The following SEC23IP variants were observed in gnomAD, a reference collection of about 807,000 sequenced individuals.
SEC23IP encodes the protein SEC23 interacting protein, also known as SEC23-interacting protein.
SEC23IP carries 70 observed loss-of-function variants against 113.4 expected under a neutral mutation model. The observed-to-expected ratio is 0.62, with a 90% confidence interval of 0.51 to 0.75. The LOEUF (loss-of-function observed/expected upper bound fraction) is 0.75. SEC23IP is among the 30% of genes least tolerant of loss of function. SEC23IP has a pLI of 0.00. For synonymous variants in SEC23IP, 398 were observed against 421.0 expected (o/e 0.95, Z 0.67); for missense variants, 1,160 against 1,204.9 (o/e 0.96, Z 0.55).
chr10:119,902,684 A>G (rs1854535913), intron 2 of SEC23IP, 115 bp from the exon 3 acceptor site: 2 of 830,694 alleles, frequency 2.4e-6, no homozygotes, highest in African/African-American at 1.7e-5. Flanking sequence ...TTATTACACT[A>G]AGTAATTGTC....
At chr10:119,905,313 C>G (rs1015943766) in intron 4 of SEC23IP, among the ~76,000 whole-genome samples, 4 of 151,868 alleles carry the variant, frequency 2.6e-5, no homozygotes, top group Non-Finnish European at 5.9e-5. Flanking sequence ...CTATCATGTC[C>G]CCAGATTAAA....
chr10:119,942,235 G>A lies in SEC23IP; in HGVS notation c.*1670G>A, dbSNP rs1276091616. The A allele has an allele frequency of 2.0e-5, 3 of 152,152 alleles. No individual in the cohort carries two copies. The highest frequency in any genetic ancestry group is 2.9e-5 in the Non-Finnish European group (2 of 68,042). The allele number at this position is 152,152 out of a possible 1,614,324, so 9.4% of individuals were successfully genotyped here. A position where few individuals can be genotyped will look rare whatever the true frequency, so the allele number is the denominator to read the frequency against. On this transcript the variant is annotated 3_prime_UTR_variant, in exon 19 of 19. Transcript: ENST00000369075. Reference sequence around the variant, plus strand: ...TTCGTAGAAGAAGCATGTGGCAGCTGAGTGGCAGCAGTCTTGCCCTTTCAT... The same window carrying A: ...TTCGTAGAAGAAGCATGTGGCAGCTAAGTGGCAGCAGTCTTGCCCTTTCAT...
Position 119,926,195 on chromosome 10 carries a change from A to G in SEC23IP, c.2281A>G (p.Asn761Asp). 1.2e-6 allele frequency: 2 copies of G among 1,614,098 alleles called. No homozygotes were observed. The highest frequency in any genetic ancestry group is 1.7e-6 in the Non-Finnish European group (2 of 1,179,984). The stretch of plus-strand genomic sequence containing the variant: ...TGCTTGCGTGTCTTCTGTGTGTGTG[A>G]ATTATGAATCTTTTGAAGTTGGCGC... ...VGACVSSVCV[N>D]YESFEVGAGQ... The change falls in exon 13 of 19, where the codon AAT becomes GAT. Residue 761 changes from asparagine (N) to aspartate (D), a missense_variant. Coordinates refer to ENST00000369075, the MANE Select transcript of SEC23IP (RefSeq NM_007190.4).
chr10:119,923,293 G>C (rs1331026390), intron 12 of SEC23IP, among the ~76,000 whole-genome samples: 1 of 151,746 alleles, frequency 6.6e-6, no homozygotes, highest in Non-Finnish European at 1.5e-5. Context: ...AGTTGCCATT[G>C]ATTGCTTTAC....
intron 1 of SEC23IP, among the ~76,000 whole-genome samples, chr10:119,897,795 C>G (rs1854325702): frequency 1.3e-5 from 2 of 151,734 alleles, no homozygotes; most frequent in South Asian, 4.1e-4. Context: ...GTCAGGAGTT[C>G]AAGACCAGCC....
Position 119,904,128 on chromosome 10 carries a change from C to T in SEC23IP, c.952C>T (p.Arg318Cys), listed in dbSNP as rs751870295. Reference sequence around the variant, plus strand: ...CGTGGTTCTTGGCACGGATGGAGGGCGCTACGATGTTTACCTCTATGACCG... The same window carrying T: ...CGTGGTTCTTGGCACGGATGGAGGGTGCTACGATGTTTACCTCTATGACCG... The part of the protein sequence containing the change: ...ESVVLGTDGG[R>C]YDVYLYDRIR... Residue 318 changes from arginine (R) to cysteine (C), a missense_variant, in exon 4 of 19, where the codon CGC becomes TGC. Transcript: ENST00000369075. 13 of 1,614,042 alleles carry T rather than the reference C, an allele frequency of 8.1e-6. No individual in the cohort carries two copies. Among genetic ancestry groups the T allele is most frequent in the East Asian group, 2.2e-5 (1 of 44,898 alleles).
chr10:119,932,869 A>G (rs985421249), intron 16 of SEC23IP, 136 bp from the exon 17 acceptor site: 7 of 684,016 alleles, frequency 1.0e-5, no homozygotes, highest in African/African-American at 1.8e-5. Context: ...CTTTGGAGGA[A>G]CGGGGAGTGA....
intron 6 of SEC23IP, among the ~76,000 whole-genome samples, chr10:119,914,084 C>T (rs375851619): frequency 6.6e-5 from 10 of 152,056 alleles, no homozygotes; most frequent in Middle Eastern, 3.2e-3. Context: ...TGCTTGAACC[C>T]GGGAGGCGGA....
intron 2 of SEC23IP, 83 bp downstream of exon 2, chr10:119,899,042 C>A: frequency 8.5e-7 from 1 of 1,173,364 alleles, no homozygotes; most frequent in Non-Finnish European, 1.2e-6. Context: ...AAACATTTCA[C>A]ATCTTATAAT....
chr10:119,920,634 T>G (rs773267513), intron 11 of SEC23IP, among the ~76,000 whole-genome samples: 3 of 152,268 alleles, frequency 2.0e-5, no homozygotes, highest in Admixed American at 6.5e-5. Flanking sequence ...TTTCATCGTA[T>G]GCTTGACTAT....
At chr10:119,915,600 AT>A (rs1347855812) in intron 7 of SEC23IP, 147 bp from the exon 8 acceptor site, 20 of 576,896 alleles carry the variant, frequency 3.5e-5, no homozygotes, top group Non-Finnish European at 5.3e-5. Flanking sequence ...TTTTTAAAAA[AT>A]TTTACTAATT....
At chr10:119,918,772 T>C (rs1855139302) in intron 10 of SEC23IP, among the ~76,000 whole-genome samples, 2 of 152,094 alleles carry the variant, frequency 1.3e-5, no homozygotes, top group South Asian at 4.1e-4. Flanking sequence ...TAGGCCCAAA[T>C]ATAATAGCTT....
chr10:119,905,554 G>A (rs1854635342), intron 4 of SEC23IP, among the ~76,000 whole-genome samples: 1 of 152,212 alleles, frequency 6.6e-6, no homozygotes, highest in African/African-American at 2.4e-5. Context: ...AAGAGGCAGA[G>A]GAGGTTAGGA....
Position 119,920,947 on chromosome 10 carries a change from A to G in SEC23IP, c.2084A>G (p.Lys695Arg), listed in dbSNP as rs1219231646. The change falls in exon 12 of 19, where the codon AAG becomes AGG. Residue 695 changes from lysine to arginine, a missense_variant. Physicochemically the swap from Lys to Arg is conservative, Grantham distance 26. Transcript: ENST00000369075. ...GGGATACCCCTTGGACCCAGAAAGA[A>G]GATAGCTAACTTTGTAGAACATAAA... ...EMGIPLGPRK[K>R]IANFVEHKAA... 1 of 1,613,880 alleles carries G rather than the reference A, an allele frequency of 6.2e-7. No homozygotes were observed. The highest frequency in any genetic ancestry group is 2.2e-5 in the East Asian group (1 of 44,866).
At chr10:119,920,852 T>C in intron 11 of SEC23IP, 37 bp from the exon 12 acceptor site, 1 of 1,338,328 alleles carries the variant, frequency 7.5e-7, no homozygotes, top group South Asian at 1.2e-5. Flanking sequence ...CTTCTATCAC[T>C]AGATTGATTA....
chr10:119,938,633 A>G (rs1311626543), intron 18 of SEC23IP, among the ~76,000 whole-genome samples: 1 of 152,192 alleles, frequency 6.6e-6, no homozygotes, highest in Non-Finnish European at 1.5e-5. Context: ...TCAGTATACC[A>G]TAGTCTTTGC....
intron 3 of SEC23IP, among the ~76,000 whole-genome samples, chr10:119,903,452 A>G (rs534166263): frequency 1.3e-5 from 2 of 152,306 alleles, no homozygotes; most frequent in South Asian, 4.1e-4. Context: ...TAATGCTTTG[A>G]GAAGTCCTGC....
chr10:119,918,459 C>T lies in SEC23IP; in HGVS notation c.1820C>T (p.Pro607Leu). ...TTGAATTTATCAAAGTGCCCTGGAC[C>T]TCTTGCTGTTGCTAATGGAGTTGTG... ...KDLNLSKCPG[P>L]LAVANGVVKQ... The change falls in exon 10 of 19, where the codon CCT (proline) becomes CTT (leucine). Residue 607 changes from proline (P) to leucine (L), a missense_variant. Physicochemically the swap from Pro to Leu is moderately conservative, Grantham distance 98 (BLOSUM62 -3). Coordinates refer to ENST00000369075, the MANE Select transcript of SEC23IP (RefSeq NM_007190.4). 3.7e-6 allele frequency: 6 copies of T among 1,613,776 alleles called. No individual in the cohort carries two copies. The highest frequency in any genetic ancestry group is 2.2e-5 in the South Asian group (2 of 91,082).
At chr10:119,898,025 A>T (rs1407889280) in intron 1 of SEC23IP, among the ~76,000 whole-genome samples, 3 of 151,422 alleles carry the variant, frequency 2.0e-5, no homozygotes, top group Non-Finnish European at 4.4e-5. Flanking sequence ...AAAAAAAAAA[A>T]AATAAATAAA....
Sources: gnomAD v4.1 joint callset for allele counts (sites outside exome capture counted in the v4.1 genomes callset) on GRCh38, gnomAD v4.1.1 for gene constraint, MANE v1.5 for transcripts, NCBI Gene and HGNC (gene_info 2026-07-23, HGNC 2026-07-21) for gene names.